Variants in ASCC3 observed in about 807,000 individuals in gnomAD.
ASCC3 encodes ASC-1 complex subunit P200.
ASCC3 carries 158 observed loss-of-function variants against 256.3 expected under a neutral mutation model. The ratio of observed to expected loss-of-function variants is 0.62; its 90% CI spans 0.54 to 0.70. ASCC3 has a LOEUF of 0.70. Among genes scored for constraint, ASCC3 ranks in the 30% least tolerant of loss-of-function variants. ASCC3 has a pLI of 0.00. For synonymous variants in ASCC3, 948 were observed against 883.4 expected (o/e 1.07, Z -1.30); for missense variants, 2,259 against 2,626.0 (o/e 0.86, Z 3.05).
chr6:100,775,721 A>G (rs1262443258), intron 8 of ASCC3, among the ~76,000 whole-genome samples: 1 of 152,104 alleles, frequency 6.6e-6, no homozygotes, highest in Non-Finnish European at 1.5e-5. Flanking sequence ...CACGTTTTAT[A>G]CCACTCCCTA....
chr6:100,661,692 G>T, intron 16 of ASCC3, 114 bp downstream of exon 16: 1 of 1,008,908 alleles, frequency 9.9e-7, no homozygotes, highest in Non-Finnish European at 1.5e-6. Flanking sequence ...TAACTTATAT[G>T]GCATAGGCTG....
At chr6:100,851,495 A>T (rs1036078436) in intron 3 of ASCC3, among the ~76,000 whole-genome samples, 22 of 152,254 alleles carry the variant, frequency 1.4e-4, no homozygotes, top group Non-Finnish European at 1.0e-4. Context: ...CTATAAGCCC[A>T]TGTTTGAAGA....
chr6:100,628,356 T>A lies in ASCC3; in HGVS notation c.4376-369A>T, dbSNP rs551474921. ...CAATTGTACAGCAGTGTGACAACAG[T>A]TAATAAAAATATATCATATATTTCA... On this transcript the variant is annotated intron_variant, in intron 27 of 41. Coordinates refer to ENST00000369162, the MANE Select transcript of ASCC3 (RefSeq NM_006828.4). Among the ~76,000 whole-genome samples the A allele has an allele frequency of 8.5e-5, 13 of 152,220 alleles. No individual in the cohort carries two copies. In the South Asian group the frequency reaches 2.7e-3, roughly 32 times the overall value.
chr6:100,854,465 A>G (rs1269076356), intron 3 of ASCC3, among the ~76,000 whole-genome samples: 1 of 152,210 alleles, frequency 6.6e-6, no homozygotes, highest in East Asian at 1.9e-4. Context: ...TGTTAAAATT[A>G]TTACTACATT....
At position 100,629,117 on chromosome 6, in the gene ASCC3, C is replaced by T. The variant is rs749407275; in HGVS notation, c.4273G>A (p.Val1425Ile). Residue 1425 changes from valine to isoleucine, a missense_variant, in exon 27 of 42, where the codon GTC becomes ATC. Val to Ile is a conservative substitution (Grantham distance 29). Coordinates refer to ENST00000369162, the MANE Select transcript of ASCC3 (RefSeq NM_006828.4). ...CCATCCCACTTCTCTGGCGTAGTGA[C>T]GATAAGGTCAGCCTTGGCAATGGAT... ...MKSIAKADLIVTTPEKWDGVS... is the reference protein window; with the variant it reads ...MKSIAKADLIITTPEKWDGVS... 19 of 1,613,646 alleles carry T rather than the reference C, an allele frequency of 1.2e-5. No homozygotes were observed. In the Admixed American group the frequency reaches 1.8e-4, roughly 16 times the overall value.
chr6:100,771,573 G>A (rs1781926362), intron 8 of ASCC3, among the ~76,000 whole-genome samples: 1 of 151,438 alleles, frequency 6.6e-6, no homozygotes, highest in South Asian at 2.1e-4. Context: ...AAGAAAACAA[G>A]CAATTTAATC....
rs530233995 is a variant in ASCC3, at chr6:100,542,855, G to C, written c.5551-2468C>G. 8.6e-4 allele frequency among the ~76,000 whole-genome samples: 130 copies of C among 150,734 alleles called. 1 individual carries two copies. The highest frequency in any genetic ancestry group is 3.1e-3 in the African/African-American group (126 of 41,018). On this transcript the variant is annotated intron_variant, in intron 36 of 41. Coordinates refer to ENST00000369162, the MANE Select transcript of ASCC3 (RefSeq NM_006828.4). ...TTCAGGCAGAAGACAAATTATACCA[G>C]ATGAAAATATGGATCTACACAAAGA...
At chr6:100,668,215 T>G (rs1299969215) in intron 14 of ASCC3, among the ~76,000 whole-genome samples, 1 of 151,978 alleles carries the variant, frequency 6.6e-6, no homozygotes, top group Non-Finnish European at 1.5e-5. Context: ...TAAAATAATC[T>G]GTATAGCTGT....
At chr6:100,665,275 C>A (rs1292990916) in intron 14 of ASCC3, among the ~76,000 whole-genome samples, 1 of 152,058 alleles carries the variant, frequency 6.6e-6, no homozygotes, top group Non-Finnish European at 1.5e-5. Context: ...GTAGGAGTCA[C>A]TTCTATTTCT....
At chr6:100,745,155 C>T (rs1156649923) in intron 10 of ASCC3, among the ~76,000 whole-genome samples, 3 of 152,092 alleles carry the variant, frequency 2.0e-5, no homozygotes, top group African/African-American at 7.2e-5. Context: ...GATGAAAACC[C>T]ATCTCTACTA....
At chr6:100,545,690 C>T (rs1479279164) in intron 36 of ASCC3, among the ~76,000 whole-genome samples, 1 of 152,146 alleles carries the variant, frequency 6.6e-6, no homozygotes, top group African/African-American at 2.4e-5. Context: ...CTCCTGGGCT[C>T]GTTATCCTCT....
At chr6:100,596,721 C>A (rs1311332961) in intron 34 of ASCC3, among the ~76,000 whole-genome samples, 1 of 152,162 alleles carries the variant, frequency 6.6e-6, no homozygotes, top group African/African-American at 2.4e-5. Flanking sequence ...TTCTCTTTTA[C>A]AACAGGGAAG....
chr6:100,762,622 T>C (rs900834129), intron 10 of ASCC3, among the ~76,000 whole-genome samples: 27 of 152,220 alleles, frequency 1.8e-4, no homozygotes, highest in African/African-American at 6.3e-4. Context: ...CTCCTAACAG[T>C]AAATCTTATA....
intron 25 of ASCC3, among the ~76,000 whole-genome samples, chr6:100,633,719 C>T (rs1582602468): frequency 6.7e-6 from 1 of 148,986 alleles, no homozygotes; most frequent in African/African-American, 2.5e-5. Flanking sequence ...AAAAAAAATA[C>T]AAAAATTAGC....
intron 10 of ASCC3, among the ~76,000 whole-genome samples, chr6:100,740,613 C>T (rs1294362058): frequency 2.6e-5 from 4 of 152,150 alleles, no homozygotes; most frequent in Non-Finnish European, 5.9e-5. Flanking sequence ...AATCTGGGTG[C>T]TCCTGTATTG....
At chr6:100,761,163 G>A (rs1403248546) in intron 10 of ASCC3, among the ~76,000 whole-genome samples, 4 of 152,108 alleles carry the variant, frequency 2.6e-5, no homozygotes, top group African/African-American at 7.2e-5. Context: ...AAACCACAGA[G>A]GTCAGAAGAA....
At chr6:100,755,868 A>G (rs1482966418) in intron 10 of ASCC3, among the ~76,000 whole-genome samples, 1 of 152,152 alleles carries the variant, frequency 6.6e-6, no homozygotes, top group Non-Finnish European at 1.5e-5. Context: ...CACAATATTA[A>G]AATTCAAATT....
chr6:100,758,232 T>C (rs898939758), intron 10 of ASCC3, among the ~76,000 whole-genome samples: 1 of 152,164 alleles, frequency 6.6e-6, no homozygotes, highest in Admixed American at 6.5e-5. Context: ...TCTGACAAGA[T>C]TGTTATTTTC....
chr6:100,584,034 G>A (rs1284451583), intron 36 of ASCC3, among the ~76,000 whole-genome samples: 1 of 151,912 alleles, frequency 6.6e-6, no homozygotes, highest in Non-Finnish European at 1.5e-5. Flanking sequence ...GAATAGGTGT[G>A]GTGTGGTGCT....
Sources: allele counts gnomAD v4.1 joint callset (sites outside exome capture counted in the v4.1 genomes callset), GRCh38; gene constraint gnomAD v4.1.1; transcripts MANE v1.5; gene names NCBI Gene and HGNC (gene_info 2026-07-23, HGNC 2026-07-21).